CDH10: variants seen among roughly 807,000 people sequenced by gnomAD.
The protein encoded by CDH10 is cadherin 10.
In CDH10, 30 loss-of-function variants were observed where a neutral mutation model predicts 73.1. The observed-to-expected ratio is 0.41, with a 90% confidence interval of 0.31 to 0.56. The LOEUF is 0.56. Among genes scored for constraint, CDH10 ranks in the 20% least tolerant of loss-of-function variants. The pLI is 0.27. For synonymous variants in CDH10, 345 were observed against 348.2 expected (o/e 0.99, Z 0.10); for missense variants, 815 against 973.7 (o/e 0.84, Z 2.17).
chr5:24,607,020 T>C (rs1460261419), intron 1 of CDH10, among the ~76,000 whole-genome samples: 1 of 152,176 alleles, frequency 6.6e-6, no homozygotes, highest in East Asian at 1.9e-4. Flanking sequence ...ATGTCAAATA[T>C]ATATTTTTTT....
intron 5 of CDH10, among the ~76,000 whole-genome samples, chr5:24,532,774 C>A (rs1743795263): frequency 1.3e-5 from 2 of 151,968 alleles, no homozygotes; most frequent in African/African-American, 4.8e-5. Context: ...TCCTATGTGG[C>A]TTTATCATTT....
chr5:24,640,891 T>TA (rs200885735), intron 1 of CDH10, among the ~76,000 whole-genome samples: 2 of 151,924 alleles, frequency 1.3e-5, no homozygotes, highest in Non-Finnish European at 2.9e-5. Context: ...CTTTCATTCT[T>TA]AAAAAAATCA....
At chr5:24,570,280 C>A (rs1346152288) in intron 2 of CDH10, among the ~76,000 whole-genome samples, 1 of 152,090 alleles carries the variant, frequency 6.6e-6, no homozygotes, top group Non-Finnish European at 1.5e-5. Flanking sequence ...CAAAAATAAT[C>A]ATCTAGTTTG....
At chr5:24,585,954 T>C (rs1320596547) in intron 2 of CDH10, among the ~76,000 whole-genome samples, 1 of 152,140 alleles carries the variant, frequency 6.6e-6, no homozygotes, top group East Asian at 1.9e-4. Context: ...GACTTGCAAA[T>C]AGCGACAGAG....
chr5:24,626,023 T>G (rs1579483513), intron 1 of CDH10, among the ~76,000 whole-genome samples: 1 of 152,112 alleles, frequency 6.6e-6, no homozygotes, highest in Admixed American at 6.6e-5. Flanking sequence ...CTGGAACACA[T>G]GTAAATTAAG....
At chr5:24,634,594 A>G (rs1747809463) in intron 1 of CDH10, among the ~76,000 whole-genome samples, 1 of 151,852 alleles carries the variant, frequency 6.6e-6, no homozygotes, top group Non-Finnish European at 1.5e-5. Context: ...ACTCTGATTA[A>G]GCAGATAATA....
At chr5:24,519,957 T>C (rs1743253962) in intron 5 of CDH10, among the ~76,000 whole-genome samples, 1 of 152,204 alleles carries the variant, frequency 6.6e-6, no homozygotes, top group Non-Finnish European at 1.5e-5. Context: ...CCCCAGCTTG[T>C]AGCTGTATCA....
chr5:24,616,321 T>C (rs1290402630), intron 1 of CDH10, among the ~76,000 whole-genome samples: 2 of 152,172 alleles, frequency 1.3e-5, no homozygotes, highest in African/African-American at 2.4e-5. Flanking sequence ...AAATTTGTTT[T>C]TTCCGCAACG....
chr5:24,607,549 C>G (rs1473212252), intron 1 of CDH10, among the ~76,000 whole-genome samples: 1 of 152,102 alleles, frequency 6.6e-6, no homozygotes, highest in African/African-American at 2.4e-5. Context: ...ATACGCTAAG[C>G]TTACAACAAT....
rs191743929 is a variant in CDH10 at position 24,578,734 on chromosome 5, T to C, written c.231+14526A>G. Among the ~76,000 whole-genome samples the C allele has an allele frequency of 1.4e-3, 208 of 152,310 alleles. 1 individual carries two copies. The highest frequency in any genetic ancestry group is 4.8e-3 in the African/African-American group (201 of 41,576). Reference sequence around the variant, plus strand: ...AAACTGTGGCATTATAGGATATCTTTAATGAATTCTGTCTACCATTCATGA... The same window carrying C: ...AAACTGTGGCATTATAGGATATCTTCAATGAATTCTGTCTACCATTCATGA... On this transcript the variant is annotated intron_variant, in intron 2 of 11. Transcript: ENST00000264463.
intron 8 of CDH10, among the ~76,000 whole-genome samples, chr5:24,503,501 T>C (rs1317054390): frequency 2.0e-5 from 3 of 152,242 alleles, no homozygotes; most frequent in Non-Finnish European, 4.4e-5. Flanking sequence ...TCACATTTCT[T>C]AATTTACTTT....
chr5:24,558,544 G>T (rs916835258), intron 2 of CDH10, among the ~76,000 whole-genome samples: 5 of 151,258 alleles, frequency 3.3e-5, no homozygotes, highest in African/African-American at 1.2e-4. Flanking sequence ...ATTTTAGATG[G>T]CCATACTTTA....
intron 6 of CDH10, among the ~76,000 whole-genome samples, chr5:24,510,808 T>G (rs1742877099): frequency 6.6e-6 from 1 of 152,234 alleles, no homozygotes; most frequent in South Asian, 2.1e-4. Flanking sequence ...ACAGGTTACC[T>G]TTAGATTGTA....
Position 24,537,431 on chromosome 5 carries a change from T to C in CDH10, c.475A>G (p.Thr159Ala), listed in dbSNP as rs750216408. 65 of 1,612,802 alleles carry C rather than the reference T, an allele frequency of 4.0e-5. 1 individual carries two copies. In the South Asian group the frequency reaches 5.9e-4, roughly 15 times the overall value. The change falls in exon 3 of 12, where the codon ACG becomes GCG. Residue 159 changes from threonine to alanine, a missense_variant. Thr to Ala is a moderately conservative substitution (Grantham distance 58, BLOSUM62 0). This residue lies in a region of CDH10 where 516 missense variants were observed against 636.6 expected (regional missense o/e 0.81). Transcript: ENST00000264463. The part of the protein sequence containing the change: ...KIHDINDNEP[T>A]FPEEIYTASV... ...GCTGTATAGATTTCTTCTGGGAACG[T>C]TGGCTCATTGTCATTGATATCATGA...
chr5:24,604,871 T>TCA (rs1453322652), intron 1 of CDH10, among the ~76,000 whole-genome samples: 6,245 of 112,684 alleles, frequency 0.055, 475 homozygotes, highest in African/African-American at 0.067. Flanking sequence ...AAGATGTCTC[T>TCA]AAAAAAAAAA....
intron 1 of CDH10, among the ~76,000 whole-genome samples, chr5:24,614,227 T>G (rs1030365978): frequency 6.6e-6 from 1 of 152,204 alleles, no homozygotes; most frequent in African/African-American, 2.4e-5. Context: ...GGATAGGCTA[T>G]ATCCTTGCAA....
intron 2 of CDH10, among the ~76,000 whole-genome samples, chr5:24,572,052 C>T (rs1745403054): frequency 6.6e-6 from 1 of 151,466 alleles, no homozygotes; most frequent in African/African-American, 2.4e-5. Flanking sequence ...TTTTACTAAT[C>T]TACTATTCAG....
chr5:24,490,267 C>T (rs1742002552), intron 11 of CDH10, among the ~76,000 whole-genome samples: 1 of 151,958 alleles, frequency 6.6e-6, no homozygotes, highest in Admixed American at 6.6e-5. Context: ...TTGTAAAGCA[C>T]ATTTATTAAC....
intron 1 of CDH10, among the ~76,000 whole-genome samples, 171 bp from the exon 2 acceptor site, chr5:24,593,784 G>A (rs17461064): frequency 0.052 from 7,890 of 151,892 alleles, 249 homozygotes; most frequent in Middle Eastern, 0.12. Flanking sequence ...CTAGCAATAT[G>A]TCTACAATGT....
Sources: gnomAD v4.1 joint callset for allele counts (sites outside exome capture counted in the v4.1 genomes callset) on GRCh38, gnomAD v4.1.1 for gene constraint, gnomAD v4.1.1 regional missense constraint, MANE v1.5 for transcripts, NCBI Gene and HGNC (gene_info 2026-07-23, HGNC 2026-07-21) for gene names.